The following GLI3 variants were observed in gnomAD, a reference collection of about 807,000 sequenced individuals.
GLI3 encodes the protein transcription activator GLI3.
Under a neutral mutation model 100.8 loss-of-function variants are expected in GLI3, and 20 were observed. The ratio of observed to expected loss-of-function variants is 0.20; its 90% CI spans 0.14 to 0.29. The LOEUF (loss-of-function observed/expected upper bound fraction) is 0.29, where lower values mean the gene tolerates loss of function less well. Ranked by LOEUF, GLI3 falls within the 10% of genes least tolerant of loss-of-function variation. The probability of loss-of-function intolerance (pLI) is 1.00; values close to 1 mark genes in which losing one functional copy is unlikely to be tolerated. For synonymous variants in GLI3, 938 were observed against 860.5 expected (o/e 1.09, Z -1.58); for missense variants, 2,040 against 2,128.5 (o/e 0.96, Z 0.82).
intron 10 of GLI3, among the ~76,000 whole-genome samples, chr7:41,995,054 C>A (rs988573997): frequency 1.3e-5 from 2 of 152,220 alleles, no homozygotes; most frequent in Non-Finnish European, 2.9e-5. Flanking sequence ...ACTCAATGTT[C>A]GGCCAAATTT....
Position 41,965,498 on chromosome 7 carries a change from C to A in GLI3, c.3575G>T (p.Gly1192Val). Residue 1192 changes from glycine (G) to valine (V), a missense_variant, in exon 15 of 15, where the codon GGG (glycine) becomes GTG (valine). This residue lies in a region of GLI3 where 1,041 missense variants were observed against 924.0 expected (regional missense o/e 1.13). Coordinates refer to ENST00000395925, the MANE Select transcript of GLI3 (RefSeq NM_000168.6). ...GTGGACGACCATGCCGTTGCAGAAC[C>A]CAAAGGCGCGAGTCTGCGGCACAGC... ...RPAVPQTRAF[G>V]FCNGMVVHPQ... is the part of the protein sequence containing the mutation. 2.5e-6 allele frequency: 4 copies of A among 1,608,260 alleles called. No individual in the cohort carries two copies. Among genetic ancestry groups the A allele is most frequent in the Non-Finnish European group, 2.6e-6 (3 of 1,175,878 alleles).
chr7:42,175,094 C>T, intron 2 of GLI3, among the ~76,000 whole-genome samples: 1 of 150,290 alleles, frequency 6.7e-6, no homozygotes, highest in African/African-American at 2.5e-5. Flanking sequence ...CCCAGAGAGA[C>T]CCTGAGACTA....
At chr7:42,156,564 A>G (rs1057121198) in intron 2 of GLI3, among the ~76,000 whole-genome samples, 3 of 152,186 alleles carry the variant, frequency 2.0e-5, no homozygotes, top group African/African-American at 2.4e-5. Context: ...TTAAGATTCC[A>G]TAACGAGATC....
At chr7:42,023,232 A>G (rs143949033) in intron 10 of GLI3, among the ~76,000 whole-genome samples, 10 of 152,364 alleles carry the variant, frequency 6.6e-5, no homozygotes, top group African/African-American at 1.2e-4. Context: ...TTACAGGATC[A>G]GAGTCATTAC....
intron 10 of GLI3, among the ~76,000 whole-genome samples, chr7:41,980,774 C>T (rs1480585044): frequency 1.3e-5 from 2 of 152,186 alleles, no homozygotes; most frequent in African/African-American, 4.8e-5. Context: ...TATTAGTTCC[C>T]TGTTCTCTCT....
chr7:42,071,521 T>G (rs949987441), intron 4 of GLI3, among the ~76,000 whole-genome samples: 4 of 152,146 alleles, frequency 2.6e-5, no homozygotes, highest in Admixed American at 2.6e-4. Context: ...GTGTTTTCAG[T>G]AAGCAGCTAG....
intron 10 of GLI3, among the ~76,000 whole-genome samples, chr7:41,988,174 G>A (rs1787881624): frequency 6.6e-6 from 1 of 152,034 alleles, no homozygotes. Context: ...TAAGAGATGG[G>A]GCCTTGGCCA....
intron 3 of GLI3, among the ~76,000 whole-genome samples, chr7:42,116,797 C>T (rs1785868828): frequency 6.6e-6 from 1 of 151,878 alleles, no homozygotes; most frequent in Non-Finnish European, 1.5e-5. Flanking sequence ...AGCTCCATCA[C>T]TTTTAACACG....
At chr7:42,173,760 T>C (rs1400729110) in intron 2 of GLI3, among the ~76,000 whole-genome samples, 1 of 152,172 alleles carries the variant, frequency 6.6e-6, no homozygotes, top group Admixed American at 6.5e-5. Context: ...CCATGTTCCC[T>C]GCAACAGGGG....
At chr7:42,197,922 G>T (rs76257295) in intron 2 of GLI3, among the ~76,000 whole-genome samples, 3,021 of 152,280 alleles carry the variant, frequency 0.02, 74 homozygotes, top group Middle Eastern at 0.092. Context: ...CAGACTGGAG[G>T]CAGGGAGCAG....
chr7:42,172,256 T>G (rs1787388968), intron 2 of GLI3, among the ~76,000 whole-genome samples: 1 of 151,526 alleles, frequency 6.6e-6, no homozygotes, highest in Non-Finnish European at 1.5e-5. Flanking sequence ...CAATATTAAC[T>G]GCTCCAAAGG....
chr7:42,011,866 C>T (rs919591771), intron 10 of GLI3, among the ~76,000 whole-genome samples: 5 of 152,098 alleles, frequency 3.3e-5, no homozygotes, highest in African/African-American at 9.7e-5. Context: ...ACTGTGACTG[C>T]GCTCAATGCC....
intron 3 of GLI3, among the ~76,000 whole-genome samples, chr7:42,079,864 G>T (rs1784963339): frequency 6.6e-6 from 1 of 152,174 alleles, no homozygotes; most frequent in South Asian, 2.1e-4. Context: ...CACTCAAAAT[G>T]TGTGAATTTA....
chr7:42,262,236 C>T (rs1396147253), intron 1 of GLI3, among the ~76,000 whole-genome samples: 1 of 143,792 alleles, frequency 7.0e-6, no homozygotes, highest in African/African-American at 2.7e-5. Context: ...TTCCTTCCTT[C>T]CTTCCTTCCT....
At chr7:42,047,437 C>T (rs1784266972) in intron 5 of GLI3, among the ~76,000 whole-genome samples, 1 of 152,164 alleles carries the variant, frequency 6.6e-6, no homozygotes, top group Admixed American at 6.5e-5. Context: ...AATGAAATGC[C>T]TGGTGTTTCT....
At chr7:42,048,756 G>A in intron 4 of GLI3, 60 bp from the exon 5 acceptor site, 1 of 1,094,530 alleles carries the variant, frequency 9.1e-7, no homozygotes. Context: ...TCCACAGGCA[G>A]AGGCTGTCTC....
At chr7:41,989,709 A>G (rs1787929530) in intron 10 of GLI3, among the ~76,000 whole-genome samples, 1 of 152,060 alleles carries the variant, frequency 6.6e-6, no homozygotes. Flanking sequence ...CACTAATAGC[A>G]ATTTTACTAT....
intron 3 of GLI3, among the ~76,000 whole-genome samples, chr7:42,092,628 C>T (rs1038023451): frequency 2.0e-5 from 3 of 152,090 alleles, no homozygotes; most frequent in East Asian, 1.9e-4. Flanking sequence ...AGGCAAGCCC[C>T]GACTCTCAGT....
rs118010800 is a variant in GLI3, at chr7:42,175,842, C to T, written c.125-27374G>A. 3.4e-3 allele frequency among the ~76,000 whole-genome samples: 520 copies of T among 152,222 alleles called. 2 individuals are homozygous for T. The highest frequency in any genetic ancestry group is 6.3e-3 in the Non-Finnish European group (428 of 68,004). The stretch of plus-strand genomic sequence containing the variant: ...CTTTATCTCTTTGATTTCCTTAAAT[C>T]CTCACCATGAGCTTATTGTTTCCAT... On this transcript the variant is annotated intron_variant, in intron 2 of 14. Transcript: ENST00000395925.
Sources: gnomAD v4.1 joint callset for allele counts (sites outside exome capture counted in the v4.1 genomes callset) on GRCh38, gnomAD v4.1.1 for gene constraint, gnomAD v4.1.1 regional missense constraint, MANE v1.5 for transcripts, NCBI Gene and HGNC (gene_info 2026-07-23, HGNC 2026-07-21) for gene names.